The following GPR146 variants were observed in gnomAD, a reference collection of about 807,000 sequenced individuals.
GPR146 encodes G protein-coupled receptor 146.
For missense variants in GPR146, 381 were observed against 213.9 expected (o/e 1.78, Z -4.87); for synonymous variants, 203 against 104.3 (o/e 1.95, Z -5.77).
intron 1 of GPR146, among the ~76,000 whole-genome samples, chr7:1,048,036 C>G (rs1228820901): frequency 1.2e-5 from 1 of 81,418 alleles, no homozygotes; most frequent in Non-Finnish European, 2.3e-5. Context: ...CAGGCTTAAC[C>G]CAGCAAAGAC....
At position 1,049,267 on chromosome 7, in the gene GPR146, G is replaced by T. The variant is rs763775416; in HGVS notation, c.-25+4609G>T. ...AAAAGGTCACAGAACAGCTTCCTCT[G>T]CCCTTTATATGTGGGGAGGAGGCCA... On this transcript the variant is annotated intron_variant, in intron 1 of 1. Coordinates refer to ENST00000444847, the MANE Select transcript of GPR146 (RefSeq NM_001303473.2). 1.3e-4 allele frequency among the ~76,000 whole-genome samples: 20 copies of T among 152,250 alleles called. 1 individual carries two copies. Among genetic ancestry groups the T allele is most frequent in the Non-Finnish European group, 1.3e-4 (9 of 68,046 alleles).
chr7:1,047,483 G>A (rs754599687), intron 1 of GPR146, among the ~76,000 whole-genome samples: 3 of 152,258 alleles, frequency 2.0e-5, no homozygotes, highest in African/African-American at 7.2e-5. Context: ...AGCTCTCCAC[G>A]TGGAAACCCT....
intron 1 of GPR146, chr7:1,055,365 G>A: frequency 2.1e-6 from 1 of 470,920 alleles, no homozygotes; most frequent in Non-Finnish European, 4.4e-6. Flanking sequence ...GGTTTGCAGA[G>A]AAGCGCAGCA....
rs1783260921 is a variant in GPR146 at position 1,052,798 on chromosome 7, C to T, written c.-24-4694C>T. 6.6e-6 allele frequency among the ~76,000 whole-genome samples: 1 copy of T among 152,094 alleles called. No individual in the cohort carries two copies. The highest frequency in any genetic ancestry group is 1.5e-5 in the Non-Finnish European group (1 of 68,004). On this transcript the variant is annotated intron_variant, in intron 1 of 1. Coordinates refer to ENST00000444847, the MANE Select transcript of GPR146 (RefSeq NM_001303473.2). The surrounding 1 kb of genome is among the most constrained non-coding windows in gnomAD (Gnocchi z 4.2). Reference sequence around the variant, plus strand: ...TGCCAGCTCTGTTCCTCAAGCCTGGCCCAAGAGGGACCTGCAGCATGGGGT... The same window carrying T: ...TGCCAGCTCTGTTCCTCAAGCCTGGTCCAAGAGGGACCTGCAGCATGGGGT...
intron 1 of GPR146, among the ~76,000 whole-genome samples, 171 bp from the exon 2 acceptor site, chr7:1,057,321 G>T (rs1377959577): frequency 6.6e-6 from 1 of 152,154 alleles, no homozygotes; most frequent in Non-Finnish European, 1.5e-5. Context: ...ACCCGAGACG[G>T]CCATTTTTCA....
intron 1 of GPR146, among the ~76,000 whole-genome samples, chr7:1,053,311 G>A (rs1206891383): frequency 2.0e-5 from 3 of 152,264 alleles, no homozygotes; most frequent in Non-Finnish European, 2.9e-5. Flanking sequence ...TGGCGACGGC[G>A]GGGGAGGGGC....
At chr7:1,046,834 C>T (rs1194691804) in intron 1 of GPR146, among the ~76,000 whole-genome samples, 1 of 152,206 alleles carries the variant, frequency 6.6e-6, no homozygotes, top group African/African-American at 2.4e-5. Context: ...ACTGTCGCTA[C>T]CACAGCTAGT....
intron 1 of GPR146, among the ~76,000 whole-genome samples, chr7:1,051,203 A>C (rs911561908): frequency 6.6e-6 from 1 of 152,060 alleles, no homozygotes; most frequent in African/African-American, 2.4e-5. Flanking sequence ...CTCCCAGAAA[A>C]CGGGGCGCCA....
intron 1 of GPR146, among the ~76,000 whole-genome samples, chr7:1,048,764 A>G (rs562662483): frequency 3.9e-5 from 6 of 152,238 alleles, no homozygotes; most frequent in African/African-American, 1.2e-4. Context: ...ACACCCTGCT[A>G]TGGCCATGGT....
At position 1,046,364 on chromosome 7, in the gene GPR146, C is replaced by T. The variant is rs114412590; in HGVS notation, c.-25+1706C>T. 6.3e-3 allele frequency among the ~76,000 whole-genome samples: 967 copies of T among 152,324 alleles called. 14 individuals carry two copies. Among genetic ancestry groups the T allele is most frequent in the African/African-American group, 0.022 (925 of 41,566 alleles). ...CCGTGTCATGCACACGACGATCCCA[C>T]GGTGCTGTTTTCTGTCAACAGTGTT... On this transcript the variant is annotated intron_variant, in intron 1 of 1. Coordinates refer to ENST00000444847, the MANE Select transcript of GPR146 (RefSeq NM_001303473.2).
At chr7:1,054,010 G>A (rs145005968) in intron 1 of GPR146, among the ~76,000 whole-genome samples, 39 of 152,324 alleles carry the variant, frequency 2.6e-4, no homozygotes, top group Admixed American at 4.6e-4. Context: ...AGGCGTGGCC[G>A]AGGAAGGGGT....
Position 1,052,622 on chromosome 7 carries a change from GGTCTCTCA to G in GPR146, c.-24-4867_-24-4860del, listed in dbSNP as rs1783238320. 6.6e-6 allele frequency among the ~76,000 whole-genome samples: 1 copy of G among 152,088 alleles called. No homozygotes were observed. The highest frequency in any genetic ancestry group is 6.5e-5 in the Admixed American group (1 of 15,268). On this transcript the variant is annotated intron_variant, in intron 1 of 1. Transcript: ENST00000444847. The surrounding 1 kb of genome is among the most constrained non-coding windows in gnomAD (Gnocchi z 4.2). ...GGGAGAAGCTGGTGGTCAAGCTGGT[GGTCTCTCA>G]GTGCAAGGGTGGGGCTGGCCTGGAG...
At chr7:1,055,683 C>A (rs1563055048) in intron 1 of GPR146, among the ~76,000 whole-genome samples, 1 of 152,170 alleles carries the variant, frequency 6.6e-6, no homozygotes, top group Non-Finnish European at 1.5e-5. Flanking sequence ...GGGTCCCGGC[C>A]CTTGGCAAGC....
In GPR146 at chr7:1,058,367, G is replaced by A. The variant is rs1243884279; in HGVS notation, c.852G>A (p.Leu284=). 9.0e-6 allele frequency: 7 copies of A among 780,198 alleles called. No homozygotes were observed. Among genetic ancestry groups the A allele is most frequent in the Non-Finnish European group, 1.7e-5 (7 of 418,122 alleles). 48.3% of individuals were successfully genotyped at this position (780,198 alleles called of 1,614,324 possible). The change falls in exon 2 of 2, where the codon CTG becomes CTA. Residue 284 remains leucine (L), a synonymous_variant. Coordinates refer to ENST00000444847, the MANE Select transcript of GPR146 (RefSeq NM_001303473.2). Reference sequence around the variant, plus strand: ...TTGTGAAGGATTTCTCCAAACTCCTGGCCTTCTCCAGCAGCTTTGTGACAC... The same window carrying A: ...TTGTGAAGGATTTCTCCAAACTCCTAGCCTTCTCCAGCAGCTTTGTGACAC... ...LHFVKDFSKL[L]AFSSSFVTPL... is the part of the protein sequence containing the mutation.
rs1042673700 is a variant in GPR146, at chr7:1,059,187, A to G, written c.*670A>G. The G allele has an allele frequency of 1.2e-5, 2 of 167,876 alleles. No individual in the cohort carries two copies. The highest frequency in any genetic ancestry group is 2.9e-5 in the Non-Finnish European group (2 of 68,780). 10.4% of individuals were successfully genotyped at this position (167,876 alleles called of 1,614,324 possible). A position where few individuals can be genotyped will look rare whatever the true frequency, so the allele number is the denominator to read the frequency against. ...GATAACATCAGCTGAGGTTTTTTTC[A>G]GTATGAACCTGTCCTAAATCAATTC... On this transcript the variant is annotated 3_prime_UTR_variant, in exon 2 of 2. Transcript: ENST00000444847.
In GPR146 at chr7:1,057,608, G is replaced by T; in HGVS notation, c.93G>T (p.Leu31=). The T allele has an allele frequency of 1.3e-6, 1 of 770,004 alleles. No homozygotes were observed. The highest frequency in any genetic ancestry group is 2.4e-6 in the Non-Finnish European group (1 of 415,478). The allele number at this position is 770,004 out of a possible 1,614,324, so 47.7% of individuals were successfully genotyped here. A position where few individuals can be genotyped will look rare whatever the true frequency, so the allele number is the denominator to read the frequency against. ...DLQLGLSLLS[L]LGLVVGVPVG... is the part of the protein sequence containing the mutation. Reference sequence around the variant, plus strand: ...AGCTGGGGCTGTCACTGTTGTCGCTGCTGGGCCTGGTGGTGGGCGTGCCAG... The same window carrying T: ...AGCTGGGGCTGTCACTGTTGTCGCTTCTGGGCCTGGTGGTGGGCGTGCCAG... Residue 31 remains leucine (L), a synonymous_variant, in exon 2 of 2, where the codon CTG becomes CTT. Coordinates refer to ENST00000444847, the MANE Select transcript of GPR146 (RefSeq NM_001303473.2).
At chr7:1,047,459 A>G (rs1058727) in intron 1 of GPR146, among the ~76,000 whole-genome samples, 48,352 of 152,166 alleles carry the variant, frequency 0.32, 9,770 homozygotes, top group African/African-American at 0.57. Flanking sequence ...CACAGATAGG[A>G]ATCAGTGTGC....
Position 1,052,661 on chromosome 7 carries a change from G to GC in GPR146, c.-24-4828dup. ...AGGGTGGGGCTGGCCTGGAGGAGAGGCCCACAGGGTCCCTGCTGGCTGAGG... is the reference window on the plus strand; with the variant it reads ...AGGGTGGGGCTGGCCTGGAGGAGAGGCCCCACAGGGTCCCTGCTGGCTGAGG... On this transcript the variant is annotated intron_variant, in intron 1 of 1. Coordinates refer to ENST00000444847, the MANE Select transcript of GPR146 (RefSeq NM_001303473.2). This position sits in a 1 kb window ranked among gnomAD's most constrained non-coding sequence, Gnocchi z 4.2. Among the ~76,000 whole-genome samples, 1 of 152,088 alleles carries GC rather than the reference G, an allele frequency of 6.6e-6. No individual in the cohort carries two copies. Among genetic ancestry groups the GC allele is most frequent in the Non-Finnish European group, 1.5e-5 (1 of 68,016 alleles).
chr7:1,047,207 C>G (rs1037108875), intron 1 of GPR146, among the ~76,000 whole-genome samples: 3 of 152,234 alleles, frequency 2.0e-5, no homozygotes, highest in African/African-American at 7.2e-5. Context: ...CACAGGTGCC[C>G]AGCCCGCTCA....
Sources: gnomAD v4.1 joint callset for allele counts (sites outside exome capture counted in the v4.1 genomes callset) on GRCh38, gnomAD v4.1.1 for gene constraint, Gnocchi (gnomAD v3.1) non-coding constraint, MANE v1.5 for transcripts, NCBI Gene and HGNC (gene_info 2026-07-23, HGNC 2026-07-21) for gene names.